Variants in MATK observed in about 807,000 individuals in gnomAD.
MATK encodes megakaryocyte-associated tyrosine-protein kinase.
In MATK, 41 loss-of-function variants were observed where a neutral mutation model predicts 59.8. The observed-to-expected ratio is 0.69, with a 90% confidence interval of 0.53 to 0.89. The LOEUF (loss-of-function observed/expected upper bound fraction) is 0.89, where lower values mean the gene tolerates loss of function less well. Among genes scored for constraint, MATK ranks in the 40% least tolerant of loss-of-function variants. MATK has a pLI of 0.00. For synonymous variants in MATK, 308 were observed against 306.1 expected, an observed-to-expected ratio of 1.01 and a Z score of -0.06; for missense variants, 593 against 719.6, an observed-to-expected ratio of 0.82 and a Z score of 2.01.
At chr19:3,786,396 G>GCGC (rs992108918), upstream of MATK, 26 of 980,120 alleles carry the variant, frequency 2.7e-5, no homozygotes, top group African/African-American at 1.2e-4. This position sits in a 1 kb window ranked among gnomAD's most constrained non-coding sequence, Gnocchi z 4.1. Context: ...TCTCCTCCGC[G>GCGC]CGCCGCCGCC....
chr19:3,786,394 G>A (rs1599202532), upstream of MATK: 2 of 980,694 alleles, frequency 2.0e-6, no homozygotes, highest in Non-Finnish European at 2.4e-6. This position sits in a 1 kb window ranked among gnomAD's most constrained non-coding sequence, Gnocchi z 4.1. Context: ...GGTCTCCTCC[G>A]CGCGCCGCCG....
chr19:3,778,607 G>C lies in MATK; in HGVS notation c.1198-12C>G. 6.2e-7 allele frequency: 1 copy of C among 1,604,518 alleles called. No individual in the cohort carries two copies. Among genetic ancestry groups the C allele is most frequent in the Non-Finnish European group, 8.5e-7 (1 of 1,175,648 alleles). ...TTGCTGGTGAACTTCTGTGGGGCCC[G>C]AGACGGGGGTGAGGAGGGACCCCTC... On this transcript the variant is annotated splice_polypyrimidine_tract_variant and intron_variant, in intron 12 of 13. Transcript: ENST00000310132.
Position 3,778,166 on chromosome 19 carries a change from G to A in MATK, c.*17C>T. On this transcript the variant is annotated 3_prime_UTR_variant, in exon 14 of 14. Coordinates refer to ENST00000310132, the MANE Select transcript of MATK (RefSeq NM_139355.3). ...ACTCTCTCGGTCCTCTGGGGCCAAG[G>A]GCCCCACCGGGTGGGGTCAGGGCTC... The A allele has an allele frequency of 1.9e-6, 3 of 1,541,852 alleles. No homozygotes were observed. The highest frequency in any genetic ancestry group is 2.6e-6 in the Non-Finnish European group (3 of 1,148,876).
Position 3,779,072 on chromosome 19 carries a change from G to A in MATK, c.1117C>T (p.Leu373=), listed in dbSNP as rs2037359932. ...AGCCCCTTCCGCTCGGCTTTGGCCA[G>A]GCCAAAGTCGCTGACCTTGGCCACC... ...DLVAKVSDFG[L]AKAERKGLDS... The change falls in exon 12 of 14, where the codon CTG becomes TTG. Residue 373 remains leucine (L), a synonymous_variant. Coordinates refer to ENST00000310132, the MANE Select transcript of MATK (RefSeq NM_139355.3). The A allele has an allele frequency of 2.5e-6, 4 of 1,608,630 alleles. No homozygotes were observed. Among genetic ancestry groups the A allele is most frequent in the East Asian group, 2.2e-5 (1 of 44,840 alleles).
At chr19:3,779,997 T>C (rs1277648740) in intron 8 of MATK, among the ~76,000 whole-genome samples, 200 bp from the exon 9 acceptor site, 5 of 152,232 alleles carry the variant, frequency 3.3e-5, no homozygotes, top group Non-Finnish European at 5.9e-5. Flanking sequence ...GAGAACCATC[T>C]GGCTCTGGCG....
Position 3,786,265 on chromosome 19 carries a change from C to G in MATK, c.-248G>C. 3.0e-6 allele frequency: 3 copies of G among 985,284 alleles called. No individual in the cohort carries two copies. 61.0% of individuals were successfully genotyped at this position (985,284 alleles called of 1,614,324 possible). A position where few individuals can be genotyped will look rare whatever the true frequency, so the allele number is the denominator to read the frequency against. On this transcript the variant is annotated 5_prime_UTR_variant, in exon 1 of 14. Transcript: ENST00000310132. This position sits in a 1 kb window ranked among gnomAD's most constrained non-coding sequence, Gnocchi z 4.1. ...CCCCGAGGCGGTCCCGGCTGCACAA[C>G]TTGGAGCGAGTTGCTCCGTTTCCTC...
chr19:3,796,569 G>C (rs990889373), intron 1 of MATK, among the ~76,000 whole-genome samples: 1 of 152,080 alleles, frequency 6.6e-6, no homozygotes, highest in African/African-American at 2.4e-5. Flanking sequence ...CCTGGAGTTA[G>C]TCATCGCCTT....
Position 3,794,771 on chromosome 19 carries a change from A to T in MATK, c.-57-5367T>A, listed in dbSNP as rs1207317096. On this transcript the variant is annotated intron_variant, in intron 1 of 13. Transcript: ENST00000395045. ...AGTCTCTCCTCCAGGATCCCTCTTCATCCTCTCATGACCTCATGCTCTAAC... is the reference window on the plus strand; with the variant it reads ...AGTCTCTCCTCCAGGATCCCTCTTCTTCCTCTCATGACCTCATGCTCTAAC... Among the ~76,000 whole-genome samples the T allele has an allele frequency of 2.0e-5, 3 of 152,176 alleles. No homozygotes were observed. The East Asian group carries it at 5.8e-4, about 29-fold the overall frequency.
chr19:3,779,177 C>T lies in MATK; in HGVS notation c.1012G>A (p.Glu338Lys), dbSNP rs760149262. Residue 338 changes from glutamate (E) to lysine (K), a missense_variant, in exon 12 of 14, where the codon GAG (glutamate) becomes AAG (lysine). By Grantham distance (56) the Glu-to-Lys change is moderately conservative. Transcript: ENST00000310132. ...QLLQFSLHVA[E>K]GMEYLESKKL... ...TTGCTCTCCAGGTACTCCATGCCCT[C>T]GGCCACGTGCCTGGGGGTAGTAGGG... 9 of 1,588,874 alleles carry T rather than the reference C, an allele frequency of 5.7e-6. No individual in the cohort carries two copies. The East Asian group carries it at 1.1e-4, about 20-fold the overall frequency.
At chr19:3,784,648 AAG>A in intron 3 of MATK, 175 bp downstream of exon 3, 1 of 677,486 alleles carries the variant, frequency 1.5e-6, no homozygotes, top group South Asian at 1.7e-5. Flanking sequence ...TAGAGTCACA[AAG>A]AGAGGCGGCC....
intron 8 of MATK, 67 bp downstream of exon 8, chr19:3,781,540 T>A: frequency 1.9e-6 from 3 of 1,540,056 alleles, no homozygotes; most frequent in Non-Finnish European, 2.7e-6. Context: ...TTCAGCTCTG[T>A]GACTCCAAAG....
chr19:3,793,705 G>GAA (rs896796048), intron 1 of MATK, among the ~76,000 whole-genome samples: 8 of 120,916 alleles, frequency 6.6e-5, no homozygotes, highest in Admixed American at 1.7e-4. Flanking sequence ...TCCATCTCAA[G>GAA]AAAAAAAAAA....
chr19:3,784,978 G>C, intron 2 of MATK, 86 bp downstream of exon 2: 1 of 1,466,566 alleles, frequency 6.8e-7, no homozygotes, highest in Admixed American at 1.7e-5. Context: ...GGCGATGGCT[G>C]GGCAGGCAGA....
intron 1 of MATK, among the ~76,000 whole-genome samples, chr19:3,792,802 G>C (rs1424580310): frequency 1.3e-5 from 2 of 152,294 alleles, no homozygotes; most frequent in Admixed American, 6.5e-5. Context: ...ACAGGCGTGA[G>C]CCACCGTTTC....
At chr19:3,800,623 G>A (rs2145120046) in intron 1 of MATK, among the ~76,000 whole-genome samples, 1 of 152,166 alleles carries the variant, frequency 6.6e-6, no homozygotes, top group East Asian at 1.9e-4. Flanking sequence ...TCCAGCCTGG[G>A]CAACGGGAGC....
chr19:3,778,773 G>T (rs1324574014), intron 12 of MATK, among the ~76,000 whole-genome samples, 178 bp from the exon 13 acceptor site: 1 of 152,198 alleles, frequency 6.6e-6, no homozygotes, highest in Non-Finnish European at 1.5e-5. Flanking sequence ...AAGGAAGCCT[G>T]GTTATTCTTC....
At chr19:3,783,044 G>C in intron 7 of MATK, 82 bp downstream of exon 7, 1 of 1,301,876 alleles carries the variant, frequency 7.7e-7, no homozygotes, top group Non-Finnish European at 1.1e-6. Flanking sequence ...TGGCCTCAGA[G>C]GTGCGGGGCC....
At chr19:3,779,296 G>C (rs1402468426) in intron 11 of MATK, 82 bp downstream of exon 11, 3 of 1,573,538 alleles carry the variant, frequency 1.9e-6, no homozygotes, top group East Asian at 2.3e-5. Flanking sequence ...TCCCTGCCCC[G>C]TGCCTCAGTT....
At chr19:3,781,569 A>C in intron 8 of MATK, 38 bp downstream of exon 8, 1 of 1,609,918 alleles carries the variant, frequency 6.2e-7, no homozygotes, top group African/African-American at 1.3e-5. Context: ...CGCACCTCCC[A>C]TCTTCCTTCA....
Sources: gnomAD v4.1 joint callset for allele counts (sites outside exome capture counted in the v4.1 genomes callset) on GRCh38, gnomAD v4.1.1 for gene constraint, Gnocchi (gnomAD v3.1) non-coding constraint, MANE v1.5 for transcripts, NCBI Gene and HGNC (gene_info 2026-07-23, HGNC 2026-07-21) for gene names.